CNTN6: variants seen among roughly 807,000 people sequenced by gnomAD.
CNTN6 encodes the protein contactin-6.
In CNTN6, 137 loss-of-function variants were observed where a neutral mutation model predicts 122.8. The observed-to-expected ratio is 1.12, with a 90% CI of 0.97 to 1.29. CNTN6 has a LOEUF of 1.29. Ranked by LOEUF, CNTN6 falls within the 50% of genes most tolerant of loss-of-function variation. The pLI, the probability that CNTN6 is intolerant of heterozygous loss-of-function variation, is 0.00. For synonymous variants in CNTN6, 570 were observed against 426.0 expected (o/e 1.34, Z -4.16); for missense variants, 1,634 against 1,223.4 (o/e 1.34, Z -5.01).
At chr3:1,358,148 C>G (rs1706884023) in intron 12 of CNTN6, among the ~76,000 whole-genome samples, 1 of 151,858 alleles carries the variant, frequency 6.6e-6, no homozygotes, top group Non-Finnish European at 1.5e-5. Flanking sequence ...AAACCACTAG[C>G]TATCCATCTC....
In CNTN6 at chr3:1,393,301, G is replaced by C. The variant is rs537578314; in HGVS notation, c.2704+7504G>C. Reference sequence around the variant, plus strand: ...AAATCATCATTCTCAGTAAACTATCGCAAGAACAAAAAACCAAACACTGCA... The same window carrying C: ...AAATCATCATTCTCAGTAAACTATCCCAAGAACAAAAAACCAAACACTGCA... On this transcript the variant is annotated intron_variant, in intron 20 of 22. Coordinates refer to ENST00000446702, the MANE Select transcript of CNTN6 (RefSeq NM_001289080.2). 5.0e-4 allele frequency among the ~76,000 whole-genome samples: 49 copies of C among 98,102 alleles called. No homozygotes were observed. The East Asian group carries it at 0.012, about 23-fold the overall frequency. The allele number at this position is 98,102 out of a possible 152,430, so 64.4% of individuals were successfully genotyped here. A position where few individuals can be genotyped will look rare whatever the true frequency, so the allele number is the denominator to read the frequency against.
At chr3:1,124,386 T>G (rs189555033) in intron 1 of CNTN6, among the ~76,000 whole-genome samples, 5 of 152,030 alleles carry the variant, frequency 3.3e-5, no homozygotes, top group African/African-American at 4.8e-5. Flanking sequence ...CACATAACTT[T>G]GTGTTTCAGT....
intron 4 of CNTN6, among the ~76,000 whole-genome samples, chr3:1,275,322 A>G (rs115672014): frequency 0.029 from 4,483 of 152,200 alleles, 102 homozygotes; most frequent in South Asian, 0.064. Flanking sequence ...TCTGCTATCT[A>G]CTATCCACTT....
chr3:1,116,000 A>G (rs1028291808), intron 1 of CNTN6, among the ~76,000 whole-genome samples: 2 of 152,202 alleles, frequency 1.3e-5, no homozygotes, highest in Non-Finnish European at 2.9e-5. Context: ...AAAATGATCC[A>G]TATCTTGGAA....
chr3:1,240,747 G>A (rs1469611763), intron 4 of CNTN6, among the ~76,000 whole-genome samples: 3 of 151,846 alleles, frequency 2.0e-5, no homozygotes, highest in African/African-American at 7.3e-5. Flanking sequence ...TTTCATGTGT[G>A]TCCGTGTGAA....
intron 3 of CNTN6, among the ~76,000 whole-genome samples, chr3:1,226,993 G>A (rs1380961395): frequency 6.6e-6 from 1 of 152,146 alleles, no homozygotes; most frequent in Non-Finnish European, 1.5e-5. Context: ...GATTTTGATG[G>A]AGTTGGGAGT....
chr3:1,277,834 A>G (rs539673433), intron 4 of CNTN6, among the ~76,000 whole-genome samples: 1 of 152,242 alleles, frequency 6.6e-6, no homozygotes, highest in Non-Finnish European at 1.5e-5. Flanking sequence ...CACTCTTTCA[A>G]CTCTGAATTT....
At chr3:1,326,358 T>A (rs1228261717) in intron 9 of CNTN6, among the ~76,000 whole-genome samples, 1 of 151,856 alleles carries the variant, frequency 6.6e-6, no homozygotes, top group Non-Finnish European at 1.5e-5. Context: ...ATTATTCCTT[T>A]ATGTAAATGA....
In CNTN6 at chr3:1,383,066, G is replaced by A. The variant is rs756067438; in HGVS notation, c.2291G>A (p.Arg764Lys). Residue 764 changes from arginine to lysine, a missense_variant, in exon 18 of 23, where the codon AGA (arginine) becomes AAA (lysine). Coordinates refer to ENST00000446702, the MANE Select transcript of CNTN6 (RefSeq NM_001289080.2). ...GTGGAATCATCAAGGTTTGTCTACA[G>A]AAATGAAAGCATCATCCCACTGTCT... Reference protein sequence around the residue: ...SSVESSRFVYRNESIIPLSPF... With the variant: ...SSVESSRFVYKNESIIPLSPF... 1.3e-5 allele frequency: 21 copies of A among 1,613,906 alleles called. No homozygotes were observed. The highest frequency in any genetic ancestry group is 3.3e-4 in the Middle Eastern group (2 of 6,082).
intron 7 of CNTN6, among the ~76,000 whole-genome samples, chr3:1,300,547 AAGAGAAAGAAAAAGAAAG>A (rs1478426589): frequency 7.9e-6 from 1 of 125,902 alleles, no homozygotes; most frequent in Admixed American, 9.8e-5. Context: ...GAGAGAAAGA[AAGAGAAAGAAAAAGAAAG>A]AAAGAAAGAA....
At chr3:1,246,388 C>G (rs2094583851) in intron 4 of CNTN6, among the ~76,000 whole-genome samples, 1 of 152,044 alleles carries the variant, frequency 6.6e-6, no homozygotes, top group African/African-American at 2.4e-5. Context: ...GTTCATTTTT[C>G]TGATCACATA....
At chr3:1,280,117 G>A (rs79926517) in intron 5 of CNTN6, among the ~76,000 whole-genome samples, 9,965 of 152,200 alleles carry the variant, frequency 0.065, 404 homozygotes, top group African/African-American at 0.1. Flanking sequence ...CTCTTACGAT[G>A]TTATTCAAAT....
chr3:1,309,235 T>A (rs1259441694), intron 7 of CNTN6, among the ~76,000 whole-genome samples: 1 of 152,220 alleles, frequency 6.6e-6, no homozygotes, highest in East Asian at 1.9e-4. Flanking sequence ...GATATTCTCC[T>A]CTGTCATCTT....
chr3:1,376,182 C>T (rs962661900), intron 16 of CNTN6, among the ~76,000 whole-genome samples: 6 of 152,122 alleles, frequency 3.9e-5, no homozygotes, highest in Non-Finnish European at 7.4e-5. Context: ...CTTTTAAACA[C>T]TTACGCATGT....
At chr3:1,318,336 A>G (rs1327299347) in intron 7 of CNTN6, among the ~76,000 whole-genome samples, 3 of 150,992 alleles carry the variant, frequency 2.0e-5, no homozygotes, top group Non-Finnish European at 4.4e-5. Flanking sequence ...TTTGTCTTAT[A>G]TGCCATTCAT....
intron 1 of CNTN6, among the ~76,000 whole-genome samples, chr3:1,136,922 T>A (rs1207923201): frequency 6.6e-6 from 1 of 152,190 alleles, no homozygotes; most frequent in African/African-American, 2.4e-5. Context: ...TACCTCTTAT[T>A]TGACTGCCGT....
intron 4 of CNTN6, among the ~76,000 whole-genome samples, chr3:1,245,158 C>G (rs1328415788): frequency 2.9e-5 from 2 of 69,474 alleles, no homozygotes; most frequent in Non-Finnish European, 5.6e-5. Context: ...GAAACCAACC[C>G]AAATGCCCAT....
intron 20 of CNTN6, among the ~76,000 whole-genome samples, chr3:1,391,336 C>G (rs1488307138): frequency 2.1e-4 from 26 of 123,612 alleles, no homozygotes; most frequent in Non-Finnish European, 2.6e-4. Context: ...CAGAAAAAGC[C>G]TTTGACAAAA....
chr3:1,242,568 A>G (rs1024984170), intron 4 of CNTN6, among the ~76,000 whole-genome samples: 2 of 152,148 alleles, frequency 1.3e-5, no homozygotes, highest in Non-Finnish European at 2.9e-5. Flanking sequence ...TGAGCGGGGT[A>G]AGGGTGATTA....
Sources: allele counts gnomAD v4.1 joint callset (sites outside exome capture counted in the v4.1 genomes callset), GRCh38; gene constraint gnomAD v4.1.1; transcripts MANE v1.5; gene names NCBI Gene and HGNC (gene_info 2026-07-23, HGNC 2026-07-21).